ANKMY2: variants seen among roughly 807,000 people sequenced by gnomAD.
The protein encoded by ANKMY2 is ankyrin repeat and MYND domain-containing protein 2.
In ANKMY2, 36 loss-of-function variants were observed where a neutral mutation model predicts 50.4. The observed-to-expected ratio is 0.71, with a 90% CI of 0.55 to 0.94. The LOEUF is 0.94. Among genes scored for constraint, ANKMY2 ranks in the 40% least tolerant of loss-of-function variants. The pLI, the probability that ANKMY2 is intolerant of heterozygous loss-of-function variation, is 0.00. For synonymous variants in ANKMY2, 187 were observed against 178.8 expected (o/e 1.05, Z -0.36); for missense variants, 565 against 524.0 (o/e 1.08, Z -0.76).
intron 1 of ANKMY2, among the ~76,000 whole-genome samples, chr7:16,638,762 A>G (rs766984500): frequency 6.6e-6 from 1 of 152,168 alleles, no homozygotes; most frequent in Non-Finnish European, 1.5e-5. Context: ...ATTAGAACAA[A>G]AGACATTTCT....
At position 16,610,720 on chromosome 7, in the gene ANKMY2, G is replaced by T. The variant is rs764341558; in HGVS notation, c.575C>A (p.Ala192Glu). The T allele has an allele frequency of 8.7e-6, 14 of 1,613,780 alleles. No individual in the cohort carries two copies. The highest frequency in any genetic ancestry group is 1.7e-5 in the Admixed American group (1 of 60,000). Residue 192 changes from alanine (A) to glutamate (E), a missense_variant, in exon 6 of 10, where the codon GCA becomes GAA. Physicochemically the swap from Ala to Glu is moderately radical, Grantham distance 107. Coordinates refer to ENST00000306999, the MANE Select transcript of ANKMY2 (RefSeq NM_020319.3). ...VNENPLLTEEAALNKCYRVMD... is the reference protein window; with the variant it reads ...VNENPLLTEEEALNKCYRVMD... ...CACTCTGTAGCATTTATTCAGGGCTGCTTCTTCTGTCAGCAGAGGATTCTC... is the reference window on the plus strand; with the variant it reads ...CACTCTGTAGCATTTATTCAGGGCTTCTTCTTCTGTCAGCAGAGGATTCTC...
intron 1 of ANKMY2, among the ~76,000 whole-genome samples, chr7:16,641,311 G>A (rs1347164845): frequency 6.6e-6 from 1 of 152,068 alleles, no homozygotes; most frequent in Admixed American, 6.5e-5. Flanking sequence ...GAATTTGTGC[G>A]ATGTTTCTAA....
Position 16,600,613 on chromosome 7 carries a change from GGGGTTT to G in ANKMY2, c.*142_*147del. 1.9e-6 allele frequency: 1 copy of G among 533,240 alleles called. No homozygotes were observed. Among genetic ancestry groups the G allele is most frequent in the Non-Finnish European group, 3.0e-6 (1 of 338,322 alleles). The allele number at this position is 533,240 out of a possible 1,614,324, so 33.0% of individuals were successfully genotyped here. A position where few individuals can be genotyped will look rare whatever the true frequency, so the allele number is the denominator to read the frequency against. ...ATAGGAAATTAGGGCATGGTCAACA[GGGGTTT>G]GCTTGAAAACCTGTATTCTATGAAA... On this transcript the variant is annotated 3_prime_UTR_variant, in exon 10 of 10. Transcript: ENST00000306999.
At chr7:16,643,772 A>C (rs1421425341) in intron 1 of ANKMY2, among the ~76,000 whole-genome samples, 1 of 151,260 alleles carries the variant, frequency 6.6e-6, no homozygotes, top group African/African-American at 2.5e-5. Flanking sequence ...TAATCCCAGC[A>C]CTTAGGGAGG....
At position 16,627,067 on chromosome 7, in the gene ANKMY2, T is replaced by G; in HGVS notation, c.244A>C (p.Thr82Pro). The change falls in exon 3 of 10, where the codon ACA becomes CCA. Residue 82 changes from threonine to proline, a missense_variant. By Grantham distance (38) the Thr-to-Pro change is conservative (BLOSUM62 -1). Coordinates refer to ENST00000306999, the MANE Select transcript of ANKMY2 (RefSeq NM_020319.3). ...VNCHQHEHGY[T>P]ALMFAALSGN... ...GAAAGTGCAGCAAACATGAGGGCTGTGTATCCATGTTCATGCTGATGACAA... is the reference window on the plus strand; with the variant it reads ...GAAAGTGCAGCAAACATGAGGGCTGGGTATCCATGTTCATGCTGATGACAA... The G allele has an allele frequency of 1.2e-6, 2 of 1,609,816 alleles. No individual in the cohort carries two copies. Among genetic ancestry groups the G allele is most frequent in the South Asian group, 2.2e-5 (2 of 90,426 alleles).
chr7:16,602,265 G>A (rs887004086), intron 9 of ANKMY2, 115 bp downstream of exon 9: 11 of 1,218,534 alleles, frequency 9.0e-6, no homozygotes, highest in East Asian at 2.5e-5. Context: ...TTCTTACATC[G>A]GTCACTCCTG....
rs546686172 is a variant in ANKMY2 at position 16,629,811 on chromosome 7, A to G, written c.133-2633T>C. Among the ~76,000 whole-genome samples the G allele has an allele frequency of 2.6e-5, 4 of 152,316 alleles. No homozygotes were observed. The South Asian group carries it at 8.3e-4, about 32-fold the overall frequency. The stretch of plus-strand genomic sequence containing the variant: ...AGTATGAAGGAAATTATAAATTTTG[A>G]CTGCAATGATTACTATGCATTATCT... On this transcript the variant is annotated intron_variant, in intron 2 of 9. Coordinates refer to ENST00000306999, the MANE Select transcript of ANKMY2 (RefSeq NM_020319.3).
chr7:16,602,733 T>C (rs1217987281), intron 8 of ANKMY2, among the ~76,000 whole-genome samples: 2 of 152,170 alleles, frequency 1.3e-5, no homozygotes, highest in Non-Finnish European at 2.9e-5. Context: ...GATAGGATCA[T>C]GGGGGCGGTT....
At chr7:16,600,975 T>A (rs1781051630) in intron 9 of ANKMY2, 30 bp from the exon 10 acceptor site, 7 of 1,544,590 alleles carry the variant, frequency 4.5e-6, no homozygotes, top group Admixed American at 3.9e-5. Context: ...GTTATTTTGT[T>A]CCTACCATGT....
rs138391283 is a variant in ANKMY2 at position 16,615,334 on chromosome 7, C to T, written c.531+410G>A. Among the ~76,000 whole-genome samples the T allele has an allele frequency of 3.3e-3, 503 of 152,296 alleles. 2 individuals are homozygous for T. Among genetic ancestry groups the T allele is most frequent in the Middle Eastern group, 6.8e-3 (2 of 294 alleles). ...TATGGTCTTTTCTCCAGAGGACTACCCTCATTGAAAGGGAGCCACCTCACT... is the reference window on the plus strand; with the variant it reads ...TATGGTCTTTTCTCCAGAGGACTACTCTCATTGAAAGGGAGCCACCTCACT... On this transcript the variant is annotated intron_variant, in intron 5 of 9. Transcript: ENST00000306999.
At chr7:16,645,439 G>A (rs1221032571) in intron 1 of ANKMY2, 68 bp downstream of exon 1, 1 of 1,472,618 alleles carries the variant, frequency 6.8e-7, no homozygotes. Context: ...GGCCAGGAGC[G>A]CCCCCCGGGC....
chr7:16,608,108 G>A (rs780805157), intron 7 of ANKMY2, among the ~76,000 whole-genome samples: 2 of 152,162 alleles, frequency 1.3e-5, no homozygotes. Context: ...AGGGAAAGAT[G>A]AGAAAGTGTT....
chr7:16,634,898 A>C (rs1413182941), intron 2 of ANKMY2, among the ~76,000 whole-genome samples: 1 of 152,232 alleles, frequency 6.6e-6, no homozygotes, highest in Admixed American at 6.5e-5. Context: ...AGTATTTATC[A>C]AAATACAGAA....
At chr7:16,609,032 A>G (rs1235848374) in intron 7 of ANKMY2, among the ~76,000 whole-genome samples, 1 of 152,240 alleles carries the variant, frequency 6.6e-6, no homozygotes, top group East Asian at 1.9e-4. Context: ...ATTAAAATAT[A>G]TGACAAATGA....
At chr7:16,605,843 C>T (rs181430873) in intron 7 of ANKMY2, among the ~76,000 whole-genome samples, 2,685 of 151,738 alleles carry the variant, frequency 0.018, 73 homozygotes, top group African/African-American at 0.061. Flanking sequence ...CCACCACGCC[C>T]GGCTAATTTT....
chr7:16,614,083 A>C (rs1781301785), intron 5 of ANKMY2, among the ~76,000 whole-genome samples: 1 of 152,164 alleles, frequency 6.6e-6, no homozygotes, highest in African/African-American at 2.4e-5. Flanking sequence ...CAAGAGTCTT[A>C]CAGAACCACA....
chr7:16,640,791 AG>A, intron 1 of ANKMY2, among the ~76,000 whole-genome samples: 1 of 152,216 alleles, frequency 6.6e-6, no homozygotes, highest in East Asian at 1.9e-4. Context: ...CAAAGTGCAG[AG>A]GGGTCACTCT....
In ANKMY2 at chr7:16,604,767, G is replaced by C. The variant is rs764688085; in HGVS notation, c.965C>G (p.Thr322Ser). 1 of 1,613,908 alleles carries C rather than the reference G, an allele frequency of 6.2e-7. No individual in the cohort carries two copies. Among genetic ancestry groups the C allele is most frequent in the East Asian group, 2.2e-5 (1 of 44,872 alleles). Residue 322 changes from threonine (T) to serine (S), a missense_variant, in exon 8 of 10, where the codon ACC becomes AGC. Physicochemically the swap from Thr to Ser is moderately conservative, Grantham distance 58 (BLOSUM62 1). Transcript: ENST00000306999. Reference protein sequence around the residue: ...VGFVDVEFCTTCGEKGASKRC... With the variant: ...VGFVDVEFCTSCGEKGASKRC... ...TTTACTTGCTCCCTTTTCTCCACAG[G>C]TAGTGCAAAATTCCACATCCACAAA...
intron 4 of ANKMY2, among the ~76,000 whole-genome samples, chr7:16,621,241 G>C (rs1781431011): frequency 1.3e-5 from 2 of 152,082 alleles, no homozygotes; most frequent in African/African-American, 4.8e-5. Context: ...AAATTACTAA[G>C]AAATAAATTT....
Sources: allele counts gnomAD v4.1 joint callset (sites outside exome capture counted in the v4.1 genomes callset), GRCh38; gene constraint gnomAD v4.1.1; transcripts MANE v1.5; gene names NCBI Gene and HGNC (gene_info 2026-07-23, HGNC 2026-07-21).